DST: variants seen among roughly 807,000 people sequenced by gnomAD.
DST encodes bullous pemphigoid antigen.
Under a neutral mutation model 875.2 loss-of-function variants are expected in DST, and 253 were observed. That is an observed-to-expected ratio of 0.29 (90% confidence interval 0.26 to 0.32). The LOEUF (loss-of-function observed/expected upper bound fraction) is 0.32, where lower values mean the gene tolerates loss of function less well. DST is among the 10% of genes least tolerant of loss of function. DST has a pLI of 1.00. For missense variants in DST, 8,287 were observed against 9,111.6 expected (o/e 0.91, Z 3.68); for synonymous variants, 3,124 against 3,197.1 (o/e 0.98, Z 0.77).
At chr6:56,887,061 T>G (rs1038804981) in intron 3 of DST, among the ~76,000 whole-genome samples, 6 of 152,212 alleles carry the variant, frequency 3.9e-5, no homozygotes, top group South Asian at 4.1e-4. Context: ...TTCAGAGAGA[T>G]AGAACCATGA....
chr6:56,460,073 T>A (rs1384705235), intron 103 of DST, 58 bp downstream of exon 103: 7 of 1,543,700 alleles, frequency 4.5e-6, no homozygotes, highest in Non-Finnish European at 6.1e-6. Flanking sequence ...AAAGGGACTT[T>A]AATCCTCAGA....
At chr6:56,648,423 A>G in intron 13 of DST, 147 bp downstream of exon 13, 1 of 609,056 alleles carries the variant, frequency 1.6e-6, no homozygotes. Flanking sequence ...GTATAATAAG[A>G]GAAATGAGTA....
chr6:56,616,208 T>A (rs747635893), intron 36 of DST: 3 of 1,614,216 alleles, frequency 1.9e-6, no homozygotes, highest in Non-Finnish European at 2.5e-6. Context: ...GCCTTCCTGA[T>A]ACTTTTTGAC....
intron 4 of DST, among the ~76,000 whole-genome samples, chr6:56,736,587 G>C (rs2099525270): frequency 6.6e-6 from 1 of 151,734 alleles, no homozygotes. Flanking sequence ...TTTCCCTGGG[G>C]GTAAGATATG....
intron 4 of DST, among the ~76,000 whole-genome samples, chr6:56,746,901 C>A (rs757325725): frequency 6.6e-6 from 1 of 152,042 alleles, no homozygotes; most frequent in South Asian, 2.1e-4. Flanking sequence ...GCACTCCAGG[C>A]GTGACTGGAC....
intron 2 of DST, among the ~76,000 whole-genome samples, chr6:56,908,095 A>ATGTGTGTGTGTG (rs1562364154): frequency 6.8e-6 from 1 of 147,312 alleles, no homozygotes; most frequent in African/African-American, 2.5e-5. Flanking sequence ...ACATATATAT[A>ATGTGTGTGTGTG]TATACACACA....
chr6:56,753,267 A>G (rs1321604522), intron 4 of DST, among the ~76,000 whole-genome samples: 2 of 152,232 alleles, frequency 1.3e-5, no homozygotes, highest in African/African-American at 2.4e-5. Flanking sequence ...AAGATATGCC[A>G]TGCTAAAAAG....
At chr6:56,736,264 A>G (rs1251515223) in intron 4 of DST, among the ~76,000 whole-genome samples, 3 of 152,162 alleles carry the variant, frequency 2.0e-5, no homozygotes, top group South Asian at 4.1e-4. Context: ...TTTACTGTGG[A>G]CAGTGATCCT....
chr6:56,644,841 C>A (rs2098932770), intron 15 of DST, among the ~76,000 whole-genome samples: 1 of 152,168 alleles, frequency 6.6e-6, no homozygotes, highest in South Asian at 2.1e-4. Context: ...TGTGTCCCCA[C>A]CCAAATCTCA....
In DST at chr6:56,646,184, T is replaced by C. The variant is rs1212803323; in HGVS notation, c.1555-2A>G. 2 of 1,458,138 alleles carry C rather than the reference T, an allele frequency of 1.4e-6. No individual in the cohort carries two copies. Among genetic ancestry groups the C allele is most frequent in the East Asian group, 4.8e-5 (2 of 41,628 alleles). 90.3% of individuals were successfully genotyped at this position (1,458,138 alleles called of 1,614,324 possible). A position where few individuals can be genotyped will look rare whatever the true frequency, so the allele number is the denominator to read the frequency against. Reference sequence around the variant, plus strand: ...CTGTAAATACTGATTATAAAGTGCCTAAAATAAAAAGGACAAGAAATTAAG... The same window carrying C: ...CTGTAAATACTGATTATAAAGTGCCCAAAATAAAAAGGACAAGAAATTAAG... On this transcript the variant is annotated splice_acceptor_variant, in intron 13 of 103. Transcript: ENST00000680361. LOFTEE classifies it high-confidence loss of function.
At chr6:56,610,716 A>C (rs973806604) in intron 38 of DST, among the ~76,000 whole-genome samples, 154 bp from the exon 39 acceptor site, 1 of 152,206 alleles carries the variant, frequency 6.6e-6, no homozygotes, top group Admixed American at 6.5e-5. Flanking sequence ...ATGAAAATTA[A>C]GAATGGCCTT....
chr6:56,825,906 G>A (rs983081820), intron 4 of DST, among the ~76,000 whole-genome samples: 1 of 152,206 alleles, frequency 6.6e-6, no homozygotes, highest in African/African-American at 2.4e-5. Context: ...CCAACAGACT[G>A]AGATCTCCTA....
chr6:56,482,833 G>C lies in DST; in HGVS notation c.21252C>G (p.Ala7084=). 6.2e-7 allele frequency: 1 copy of C among 1,608,396 alleles called. No individual in the cohort carries two copies. Among genetic ancestry groups the C allele is most frequent in the African/African-American group, 1.3e-5 (1 of 74,788 alleles). Residue 7084 remains alanine, a synonymous_variant, in exon 89 of 104, where the codon GCC becomes GCG. Transcript: ENST00000680361. Reference sequence around the variant, plus strand: ...TGAGTTCTCGGGCTGAGCGCTTCAGGGCCTGCACACTGCTGGTCCTCTTCC... The same window carrying C: ...TGAGTTCTCGGGCTGAGCGCTTCAGCGCCTGCACACTGCTGGTCCTCTTCC... ...ELGKRTSSVQ[A]LKRSARELIE...
chr6:56,474,884 A>G (rs771424538), intron 92 of DST, among the ~76,000 whole-genome samples: 16 of 141,902 alleles, frequency 1.1e-4, no homozygotes, highest in Non-Finnish European at 1.8e-4. Flanking sequence ...ACTTGAGCCT[A>G]GGAGCTTGAG....
chr6:56,747,370 G>A (rs532014432), intron 4 of DST, among the ~76,000 whole-genome samples: 5 of 152,226 alleles, frequency 3.3e-5, no homozygotes, highest in Non-Finnish European at 7.4e-5. Context: ...AGCAGCTGAG[G>A]TTCAATCTTA....
chr6:56,846,842 A>G (rs1229452866), intron 4 of DST, among the ~76,000 whole-genome samples: 1 of 151,902 alleles, frequency 6.6e-6, no homozygotes, highest in Non-Finnish European at 1.5e-5. Context: ...TGTCTCTACA[A>G]AAATACAAAA....
intron 93 of DST, among the ~76,000 whole-genome samples, 156 bp downstream of exon 93, chr6:56,473,717 C>T (rs781026310): frequency 2.1e-4 from 32 of 152,104 alleles, no homozygotes; most frequent in Non-Finnish European, 4.4e-4. Flanking sequence ...TAAGTTTCTA[C>T]AATACTTGAG....
At chr6:56,599,959 T>C (rs2098429142) in intron 45 of DST, 110 bp downstream of exon 45, 1 of 1,095,228 alleles carries the variant, frequency 9.1e-7, no homozygotes, top group East Asian at 2.5e-5. Flanking sequence ...TATGCCTTGC[T>C]TCTAAAAAGC....
intron 61 of DST, among the ~76,000 whole-genome samples, chr6:56,544,971 T>C (rs2097198741): frequency 6.6e-6 from 1 of 152,164 alleles, no homozygotes; most frequent in South Asian, 2.1e-4. Flanking sequence ...AATCAAGATA[T>C]ATTAAACCAT....
Sources: allele counts gnomAD v4.1 joint callset (sites outside exome capture counted in the v4.1 genomes callset), GRCh38; gene constraint gnomAD v4.1.1; transcripts MANE v1.5; gene names NCBI Gene and HGNC (gene_info 2026-07-23, HGNC 2026-07-21).